The following DST variants were observed in gnomAD, a reference collection of about 807,000 sequenced individuals.
The protein encoded by DST is bullous pemphigoid antigen.
Under a neutral mutation model 875.2 loss-of-function variants are expected in DST, and 253 were observed. The observed-to-expected ratio is 0.29, with a 90% confidence interval of 0.26 to 0.32. The LOEUF (loss-of-function observed/expected upper bound fraction) is 0.32, where lower values mean the gene tolerates loss of function less well. Ranked by LOEUF, DST falls within the 10% of genes least tolerant of loss-of-function variation. DST has a pLI of 1.00. For synonymous variants in DST, 3,124 were observed against 3,197.1 expected (o/e 0.98, Z 0.77); for missense variants, 8,287 against 9,111.6 (o/e 0.91, Z 3.68).
At position 56,560,277 on chromosome 6, in the gene DST, T is replaced by A; in HGVS notation, c.14440+17A>T. The A allele has an allele frequency of 6.3e-7, 1 of 1,575,996 alleles. No homozygotes were observed. On this transcript the variant is annotated intron_variant, in intron 58 of 103. Transcript: ENST00000680361. ...GCACTTTTCTTCATAGGCATTCATC[T>A]AAGTAACGCAACATACCTATTTCTG...
chr6:56,786,199 T>C (rs1465686543), intron 4 of DST, among the ~76,000 whole-genome samples: 4 of 152,204 alleles, frequency 2.6e-5, no homozygotes, highest in Non-Finnish European at 5.9e-5. Flanking sequence ...AGTCTACTAC[T>C]AGCAATGATT....
At chr6:56,893,351 GAGT>G (rs988472506) in intron 3 of DST, among the ~76,000 whole-genome samples, 17 of 152,126 alleles carry the variant, frequency 1.1e-4, no homozygotes, top group Non-Finnish European at 2.9e-5. Context: ...TTTTATGGCT[GAGT>G]AGTATTCCAT....
chr6:56,539,697 C>T (rs1464572254), intron 61 of DST, among the ~76,000 whole-genome samples: 1 of 152,174 alleles, frequency 6.6e-6, no homozygotes, highest in Non-Finnish European at 1.5e-5. Flanking sequence ...TACAAGGCTG[C>T]ACCCTTTACT....
chr6:56,648,000 T>C (rs2098953786), intron 13 of DST, among the ~76,000 whole-genome samples: 1 of 152,210 alleles, frequency 6.6e-6, no homozygotes, highest in African/African-American at 2.4e-5. Flanking sequence ...ATGGCTTTTA[T>C]ATCTGCAATG....
intron 86 of DST, among the ~76,000 whole-genome samples, chr6:56,488,939 T>G (rs1189561849): frequency 1.3e-5 from 2 of 152,350 alleles, no homozygotes; most frequent in Admixed American, 1.3e-4. Context: ...TGTTTCTACA[T>G]GCTTTTCTAG....
chr6:56,887,953 CTT>C (rs34720092), intron 3 of DST, among the ~76,000 whole-genome samples: 26 of 139,324 alleles, frequency 1.9e-4, no homozygotes, highest in African/African-American at 1.6e-4. Flanking sequence ...TAAATGAAAT[CTT>C]TTTTTTTTTT....
intron 4 of DST, among the ~76,000 whole-genome samples, chr6:56,787,307 A>G (rs892001410): frequency 2.0e-5 from 3 of 152,204 alleles, no homozygotes; most frequent in African/African-American, 7.2e-5. Context: ...GGCTGTGTCT[A>G]TTTATTATCA....
At chr6:56,727,712 C>A (rs2099470190) in intron 5 of DST, among the ~76,000 whole-genome samples, 1 of 152,160 alleles carries the variant, frequency 6.6e-6, no homozygotes, top group Admixed American at 6.5e-5. Context: ...TGAGGGAATG[C>A]TGAAAGAAAT....
In DST at chr6:56,562,133, C is replaced by T. The variant is rs9367689; in HGVS notation, c.14068+5G>A. ...AATCAGTAACAAATTAAAATTAATA[C>T]TCACCTTTATTTGCCCAAAATTCCT... On this transcript the variant is annotated splice_donor_5th_base_variant and intron_variant, in intron 56 of 103. Coordinates refer to ENST00000680361, the MANE Select transcript of DST (RefSeq NM_001374736.1). 599,481 of 1,511,714 alleles carry T rather than the reference C, an allele frequency of 0.4. 121,564 individuals are homozygous for T. The highest frequency in any genetic ancestry group is 0.41 in the Non-Finnish European group (460,571 of 1,117,628). 93.6% of individuals were successfully genotyped at this position (1,511,714 alleles called of 1,614,324 possible).
chr6:56,549,169 G>A (rs1259422542), intron 61 of DST, among the ~76,000 whole-genome samples: 1 of 152,122 alleles, frequency 6.6e-6, no homozygotes, highest in Non-Finnish European at 1.5e-5. Context: ...CTGAGTAACT[G>A]GGTAATAGCT....
chr6:56,487,243 A>G lies in DST; in HGVS notation c.20908T>C (p.Ser6970Pro). 1 of 1,591,176 alleles carries G rather than the reference A, an allele frequency of 6.3e-7. No homozygotes were observed. Among genetic ancestry groups the G allele is most frequent in the Non-Finnish European group, 8.6e-7 (1 of 1,168,908 alleles). The change falls in exon 87 of 104, where the codon TCT becomes CCT. Residue 6970 changes from serine (S) to proline (P), a missense_variant. Around this residue, in one of 10 missense-constraint regions of DST, gnomAD observed 1,292 missense variants for 1,552.7 expected, o/e 0.83. Transcript: ENST00000680361. The part of the protein sequence containing the change: ...EFQKSLGAKH[S>P]VYDTTNRTGR... ...GTCCTGTTGGTGGTGTCGTAGACAGAATGCTTGGCTCCGAGTGATTTCTGA... is the reference window on the plus strand; with the variant it reads ...GTCCTGTTGGTGGTGTCGTAGACAGGATGCTTGGCTCCGAGTGATTTCTGA...
At chr6:56,831,547 G>C (rs556791310) in intron 4 of DST, among the ~76,000 whole-genome samples, 11 of 152,026 alleles carry the variant, frequency 7.2e-5, no homozygotes, top group Non-Finnish European at 1.0e-4. Flanking sequence ...CTGGATGCTC[G>C]TATCACTCCT....
chr6:56,634,700 T>A, intron 25 of DST, 84 bp from the exon 26 acceptor site: 1 of 1,606,294 alleles, frequency 6.2e-7, no homozygotes, highest in East Asian at 2.2e-5. Context: ...TTTTTTGTTT[T>A]ATGAGGCGGG....
At chr6:56,518,655 C>T (rs1023225236) in intron 69 of DST, among the ~76,000 whole-genome samples, 5 of 152,132 alleles carry the variant, frequency 3.3e-5, no homozygotes, top group African/African-American at 9.7e-5. Context: ...TCAAAGAGCA[C>T]GAACATTTTC....
At chr6:56,818,409 T>G (rs2099769231) in intron 4 of DST, among the ~76,000 whole-genome samples, 1 of 152,092 alleles carries the variant, frequency 6.6e-6, no homozygotes, top group Admixed American at 6.5e-5. Context: ...TGCATACTGT[T>G]TGTATCTTTT....
intron 2 of DST, among the ~76,000 whole-genome samples, chr6:56,914,044 T>A (rs1592410236): frequency 1.3e-5 from 2 of 152,110 alleles, no homozygotes; most frequent in South Asian, 2.1e-4. Context: ...ACAGTGGCTG[T>A]TCAGTAAGCC....
At chr6:56,934,210 G>C (rs1249879129) in intron 2 of DST, among the ~76,000 whole-genome samples, 2 of 151,664 alleles carry the variant, frequency 1.3e-5, no homozygotes, top group East Asian at 1.9e-4. Context: ...TCCTCAAACA[G>C]GGACACTTTT....
chr6:56,774,038 C>T (rs1183655781), intron 4 of DST, among the ~76,000 whole-genome samples: 3 of 147,660 alleles, frequency 2.0e-5, no homozygotes, highest in Non-Finnish European at 4.4e-5. Flanking sequence ...CGCTTGAACC[C>T]AGGAGGTGGA....
rs928425854 is a variant in DST, at chr6:56,954,779, G to A, written c.-192C>T. On this transcript the variant is annotated 5_prime_UTR_variant, in exon 1 of 104. Transcript: ENST00000680361. ...AGCCGCGCTACGCGAGTGATCCAGG[G>A]CTGCGGGGAGCGCTTGCCATGACTC... 6.7e-6 allele frequency among the ~76,000 whole-genome samples: 1 copy of A among 149,950 alleles called. No homozygotes were observed. Among genetic ancestry groups the A allele is most frequent in the Admixed American group, 6.6e-5 (1 of 15,100 alleles).
Sources: gnomAD v4.1 joint callset for allele counts (sites outside exome capture counted in the v4.1 genomes callset) on GRCh38, gnomAD v4.1.1 for gene constraint, gnomAD v4.1.1 regional missense constraint, MANE v1.5 for transcripts, NCBI Gene and HGNC (gene_info 2026-07-23, HGNC 2026-07-21) for gene names.